Variants in CEMIP2 observed in about 807,000 individuals in gnomAD.
CEMIP2 encodes the protein cell migration inducing hyaluronidase 2.
A neutral mutation model predicts 146.9 loss-of-function variants in CEMIP2; 79 were observed. The observed-to-expected ratio is 0.54, with a 90% CI of 0.45 to 0.65. The LOEUF (loss-of-function observed/expected upper bound fraction) is 0.65. Among genes scored for constraint, CEMIP2 ranks in the 30% least tolerant of loss-of-function variants. The pLI, the probability that CEMIP2 is intolerant of heterozygous loss-of-function variation, is 0.00. For missense variants in CEMIP2, 1,596 were observed against 1,696.2 expected (o/e 0.94, Z 1.04); for synonymous variants, 601 against 606.3 (o/e 0.99, Z 0.13).
At chr9:71,726,164 C>T (rs1823378849) in intron 10 of CEMIP2, among the ~76,000 whole-genome samples, 2 of 152,208 alleles carry the variant, frequency 1.3e-5, no homozygotes, top group African/African-American at 2.4e-5. Context: ...TTCTTTCAAA[C>T]AAGTCTAATG....
intron 21 of CEMIP2, among the ~76,000 whole-genome samples, chr9:71,692,923 G>GACA (rs142273515): frequency 0.48 from 73,019 of 150,716 alleles, 18,672 homozygotes; most frequent in Admixed American, 0.6. Context: ...ACAAACAAAC[G>GACA]ACAACAACAA....
chr9:71,728,231 C>CTCTCTCTCTCTCTATATATATATATG (rs1554684626), intron 10 of CEMIP2, among the ~76,000 whole-genome samples: 1 of 14,776 alleles, frequency 6.8e-5, no homozygotes, highest in African/African-American at 2.3e-4. Context: ...CTCTCTCTCT[C>CTCTCTCTCTCTCTATATATATATATG]TATATATATA....
chr9:71,700,566 C>T lies in CEMIP2; in HGVS notation c.3377+76G>A, dbSNP rs563161864. 5.7e-5 allele frequency: 82 copies of T among 1,450,600 alleles called. 1 individual carries two copies. The East Asian group carries it at 1.3e-3, about 23-fold the overall frequency. The allele number at this position is 1,450,600 out of a possible 1,614,324, so 89.9% of individuals were successfully genotyped here. On this transcript the variant is annotated intron_variant, in intron 19 of 23. Transcript: ENST00000377044. ...CATCAGCTGCTTCACTAAACAGCCG[C>T]GATGCTGAAGAACTAGCAATTTCAC...
Position 71,698,151 on chromosome 9 carries a change from C to A in CEMIP2, c.3431G>T (p.Cys1144Phe), listed in dbSNP as rs1589129791. Reference protein sequence around the residue: ...AKSHRHGHSYCSSQGCERVKI... With the variant: ...AKSHRHGHSYFSSQGCERVKI... The stretch of plus-strand genomic sequence containing the variant: ...GACTCTTTCACATCCCTGAGATGAA[C>A]AGTAACTGTGGCCATGCCTGTGGCT... Residue 1144 changes from cysteine (C) to phenylalanine (F), a missense_variant, in exon 20 of 24, where the codon TGT (cysteine) becomes TTT (phenylalanine). By Grantham distance (205) the Cys-to-Phe change is radical (BLOSUM62 -2). Coordinates refer to ENST00000377044, the MANE Select transcript of CEMIP2 (RefSeq NM_013390.3). The A allele has an allele frequency of 1.2e-6, 2 of 1,614,146 alleles. No individual in the cohort carries two copies. Among genetic ancestry groups the A allele is most frequent in the Non-Finnish European group, 1.7e-6 (2 of 1,180,024 alleles).
intron 5 of CEMIP2, among the ~76,000 whole-genome samples, chr9:71,739,002 T>C (rs771033019): frequency 1.3e-5 from 2 of 152,168 alleles, no homozygotes; most frequent in Non-Finnish European, 2.9e-5. Context: ...TGTCTCGGAT[T>C]ATCTCCTACT....
At chr9:71,763,727 T>C (rs990549817) in intron 1 of CEMIP2, among the ~76,000 whole-genome samples, 1 of 152,260 alleles carries the variant, frequency 6.6e-6, no homozygotes, top group African/African-American at 2.4e-5. Context: ...TACCCTAATA[T>C]TAACAATTTC....
chr9:71,735,754 G>A (rs976214189), intron 5 of CEMIP2, among the ~76,000 whole-genome samples: 1 of 151,644 alleles, frequency 6.6e-6, no homozygotes, highest in Non-Finnish European at 1.5e-5. Flanking sequence ...CCACATTCCA[G>A]CCTATGAGAC....
Position 71,718,006 on chromosome 9 carries a change from T to A in CEMIP2, c.2341A>T (p.Lys781Ter). The change falls in exon 13 of 24, where the codon AAA (lysine) becomes TAA (stop). Residue 781 changes from lysine to a stop codon, truncating the protein, a stop_gained. Coordinates refer to ENST00000377044, the MANE Select transcript of CEMIP2 (RefSeq NM_013390.3). LOFTEE classifies it high-confidence loss of function. ...AALIDRLIAF[K>*]NNDNGAWVRG... ...ACCCAAGCTCCATTATCATTATTTT[T>A]AAAAGCAATGAGCCTGTCAATTAGA... 1 of 1,613,322 alleles carries A rather than the reference T, an allele frequency of 6.2e-7. No individual in the cohort carries two copies. The highest frequency in any genetic ancestry group is 8.5e-7 in the Non-Finnish European group (1 of 1,179,606).
intron 12 of CEMIP2, among the ~76,000 whole-genome samples, chr9:71,720,776 G>A (rs1336416224): frequency 2.0e-5 from 3 of 152,168 alleles, no homozygotes; most frequent in African/African-American, 7.2e-5. Flanking sequence ...TTCAGTATAT[G>A]CACAAGCTCT....
chr9:71,693,378 C>T (rs955176562), intron 21 of CEMIP2, among the ~76,000 whole-genome samples: 7 of 152,314 alleles, frequency 4.6e-5, no homozygotes, highest in South Asian at 2.1e-4. Flanking sequence ...TTGCTCTATG[C>T]GCAAATGCTA....
intron 6 of CEMIP2, among the ~76,000 whole-genome samples, chr9:71,732,885 C>A (rs1823661669): frequency 6.6e-6 from 1 of 151,760 alleles, no homozygotes. Context: ...TGCCTGAACC[C>A]TCACTACTAA....
chr9:71,690,993 T>C (rs2131854069), intron 21 of CEMIP2, among the ~76,000 whole-genome samples: 1 of 152,348 alleles, frequency 6.6e-6, no homozygotes, highest in South Asian at 2.1e-4. Context: ...GCACTGTTCC[T>C]GTTTATAAGG....
At chr9:71,750,414 A>G (rs766103614) in intron 1 of CEMIP2, 29 bp from the exon 2 acceptor site, 3 of 1,442,992 alleles carry the variant, frequency 2.1e-6, no homozygotes, top group Non-Finnish European at 1.9e-6. Context: ...ATTAAGCTTC[A>G]GTATGTGTAA....
chr9:71,723,145 A>C (rs1203796278), intron 11 of CEMIP2, among the ~76,000 whole-genome samples: 1 of 151,540 alleles, frequency 6.6e-6, no homozygotes, highest in East Asian at 1.9e-4. Flanking sequence ...AGAAAAAAAA[A>C]AAAAAAACAA....
At chr9:71,706,275 AT>A (rs1412123814) in intron 17 of CEMIP2, among the ~76,000 whole-genome samples, 1 of 151,858 alleles carries the variant, frequency 6.6e-6, no homozygotes, top group Non-Finnish European at 1.5e-5. Context: ...ACTAAAAAAT[AT>A]TTACAAATAG....
rs116269782 is a variant in CEMIP2, at chr9:71,754,393, T to C, written c.-12-4008A>G. Among the ~76,000 whole-genome samples, 465 of 152,286 alleles carry C rather than the reference T, an allele frequency of 3.1e-3. 3 individuals are homozygous for C. The highest frequency in any genetic ancestry group is 0.011 in the African/African-American group (451 of 41,552). The stretch of plus-strand genomic sequence containing the variant: ...TACTAGGGAAAAGACAATGTAGTCC[T>C]CTCTGGCTTTCAAGGCAAACTTAAG... On this transcript the variant is annotated intron_variant, in intron 1 of 23. Coordinates refer to ENST00000377044, the MANE Select transcript of CEMIP2 (RefSeq NM_013390.3).
Position 71,730,248 on chromosome 9 carries a change from T to C in CEMIP2, c.1779A>G (p.Lys593=). The part of the protein sequence containing the change: ...TVHGTNGLLI[K]DTIGFDTLGH... ...CTAGTGTGTCAAACCCAATGGTGTC[T>C]TTTATCTGCAGAAATAAAAGTATAT... The change falls in exon 9 of 24, where the codon AAA becomes AAG. Residue 593 remains lysine (K), a synonymous_variant. Coordinates refer to ENST00000377044, the MANE Select transcript of CEMIP2 (RefSeq NM_013390.3). The C allele has an allele frequency of 1.2e-6, 2 of 1,613,730 alleles. No homozygotes were observed. Among genetic ancestry groups the C allele is most frequent in the Non-Finnish European group, 1.7e-6 (2 of 1,179,732 alleles).
chr9:71,695,520 C>T (rs568005961), intron 20 of CEMIP2, among the ~76,000 whole-genome samples: 1 of 151,986 alleles, frequency 6.6e-6, no homozygotes, highest in East Asian at 1.9e-4. Flanking sequence ...ATTAAAAATA[C>T]AAAAATCAGC....
intron 10 of CEMIP2, among the ~76,000 whole-genome samples, chr9:71,726,565 A>G (rs551271758): frequency 2.0e-5 from 3 of 152,356 alleles, no homozygotes; most frequent in Non-Finnish European, 4.4e-5. Context: ...AATAATTCAT[A>G]GTCTAATAAG....
Sources: gnomAD v4.1 joint callset for allele counts (sites outside exome capture counted in the v4.1 genomes callset) on GRCh38, gnomAD v4.1.1 for gene constraint, MANE v1.5 for transcripts, NCBI Gene and HGNC (gene_info 2026-07-23, HGNC 2026-07-21) for gene names.